The following RBFOX1 variants were observed in gnomAD, a reference collection of about 807,000 sequenced individuals.
The protein encoded by RBFOX1 is RNA binding protein fox-1 homolog 1.
In RBFOX1, 8 loss-of-function variants were observed where a neutral mutation model predicts 57.7. That is an observed-to-expected ratio of 0.14 (90% confidence interval 0.08 to 0.25). The LOEUF (loss-of-function observed/expected upper bound fraction) is 0.25. RBFOX1 is among the 10% of genes least tolerant of loss of function. The pLI is 1.00. For missense variants in RBFOX1, 611 were observed against 548.5 expected, an observed-to-expected ratio of 1.11 and a Z score of -1.14; for synonymous variants, 326 against 222.4, an observed-to-expected ratio of 1.47 and a Z score of -4.15.
intron 1 of RBFOX1, among the ~76,000 whole-genome samples, chr16:5,293,177 C>G (rs1567291423): frequency 6.6e-6 from 1 of 151,896 alleles, no homozygotes; most frequent in Non-Finnish European, 1.5e-5. Flanking sequence ...AAAAATTAGC[C>G]AGGTGTGGTG....
intron 3 of RBFOX1, among the ~76,000 whole-genome samples, chr16:5,849,594 C>T (rs150042225): frequency 1.3e-5 from 2 of 152,250 alleles, no homozygotes; most frequent in East Asian, 1.9e-4. Flanking sequence ...TGACTGTAAG[C>T]CGCAGTCACC....
chr16:5,582,165 C>CGGG (rs2046689157), intron 2 of RBFOX1, among the ~76,000 whole-genome samples: 2 of 152,294 alleles, frequency 1.3e-5, no homozygotes, highest in East Asian at 3.9e-4. Context: ...ACTCTCGCCC[C>CGGG]GGGAGTACCA....
At chr16:6,897,150 A>G (rs984985326) in intron 3 of RBFOX1, among the ~76,000 whole-genome samples, 10 of 152,232 alleles carry the variant, frequency 6.6e-5, no homozygotes, top group Non-Finnish European at 1.3e-4. Flanking sequence ...AACTTGCCCA[A>G]GCTGACACAG....
At chr16:5,615,677 C>T (rs765290548) in intron 3 of RBFOX1, among the ~76,000 whole-genome samples, 30 of 152,146 alleles carry the variant, frequency 2.0e-4, no homozygotes, top group Non-Finnish European at 3.4e-4. Context: ...TGGATCGAGC[C>T]GTTTCTATGT....
Position 6,679,895 on chromosome 16 carries a change from T to G in RBFOX1, c.-16+25245T>G, listed in dbSNP as rs2058364979. 3.8e-5 allele frequency among the ~76,000 whole-genome samples: 4 copies of G among 105,324 alleles called. No individual in the cohort carries two copies. The Admixed American group carries it at 4.0e-4, about 11-fold the overall frequency. 69.1% of individuals were successfully genotyped at this position (105,324 alleles called of 152,430 possible). On this transcript the variant is annotated intron_variant, in intron 3 of 15. Transcript: ENST00000550418. ...TTCTACTTGTTTTTTTTTTTTTTTT[T>G]TTTTTTTTTTCATACTTTTCTGAGC... is the stretch of plus-strand genomic sequence containing the variant.
chr16:7,252,796 G>A (rs751462620), intron 4 of RBFOX1, among the ~76,000 whole-genome samples: 7 of 150,414 alleles, frequency 4.7e-5, no homozygotes, highest in Non-Finnish European at 8.8e-5. Context: ...CTGGGCTAAT[G>A]TTACATAGTA....
rs571220733 is a variant in RBFOX1 at position 7,553,640 on chromosome 16, A to C, written c.271-26137A>C. ...GGCCAGTGCACTTGAAAGGTGCACA[A>C]CTCATTTCAGAAGGCACTGCTCAGC... On this transcript the variant is annotated intron_variant, in intron 5 of 15. Coordinates refer to ENST00000550418, the MANE Select transcript of RBFOX1 (RefSeq NM_018723.4). 3.9e-5 allele frequency among the ~76,000 whole-genome samples: 6 copies of C among 152,268 alleles called. No individual in the cohort carries two copies. In the East Asian group the frequency reaches 1.2e-3, roughly 29 times the overall value.
At chr16:6,522,254 C>A (rs901452615) in intron 2 of RBFOX1, among the ~76,000 whole-genome samples, 22 of 151,662 alleles carry the variant, frequency 1.5e-4, no homozygotes, top group African/African-American at 4.9e-4. Context: ...CTGCCCTACC[C>A]CCAGTGAAGA....
At chr16:7,174,367 A>C (rs2081263801) in intron 4 of RBFOX1, among the ~76,000 whole-genome samples, 1 of 152,186 alleles carries the variant, frequency 6.6e-6, no homozygotes, top group South Asian at 2.1e-4. Context: ...ATTATGTAGA[A>C]TGTTACTATG....
intron 3 of RBFOX1, among the ~76,000 whole-genome samples, chr16:5,759,084 G>A (rs939517604): frequency 1.3e-5 from 2 of 152,154 alleles, no homozygotes; most frequent in South Asian, 4.1e-4. Flanking sequence ...GAGGCTACTA[G>A]TATATACTTC....
At chr16:6,159,354 G>T (rs141324670) in intron 1 of RBFOX1, among the ~76,000 whole-genome samples, 2,924 of 152,306 alleles carry the variant, frequency 0.019, 53 homozygotes, top group South Asian at 0.033. Flanking sequence ...TGGGATTACA[G>T]GCGTGAGCCA....
intron 4 of RBFOX1, among the ~76,000 whole-genome samples, chr16:5,984,950 A>G (rs192661547): frequency 2.4e-3 from 120 of 49,982 alleles, no homozygotes; most frequent in Middle Eastern, 0.012. Context: ...ACTCCATTAT[A>G]TATATATATA....
intron 3 of RBFOX1, among the ~76,000 whole-genome samples, chr16:6,994,638 C>T (rs1369178314): frequency 1.3e-5 from 2 of 152,162 alleles, no homozygotes; most frequent in Non-Finnish European, 2.9e-5. Flanking sequence ...ATCAATAATT[C>T]AAAGAAAGTG....
intron 3 of RBFOX1, among the ~76,000 whole-genome samples, chr16:5,741,740 C>T (rs2052775191): frequency 6.6e-6 from 1 of 152,152 alleles, no homozygotes; most frequent in Non-Finnish European, 1.5e-5. Flanking sequence ...TAACAGCTTC[C>T]ACAAGGACGT....
chr16:6,863,700 C>T (rs1198440321), intron 3 of RBFOX1, among the ~76,000 whole-genome samples: 28 of 124,314 alleles, frequency 2.3e-4, no homozygotes, highest in African/African-American at 8.2e-4. Context: ...AAGAAATGAC[C>T]GGAAGCACAA....
intron 3 of RBFOX1, among the ~76,000 whole-genome samples, chr16:5,813,520 C>T (rs1039403315): frequency 6.6e-6 from 1 of 152,124 alleles, no homozygotes; most frequent in African/African-American, 2.4e-5. Context: ...ATGGATAAAC[C>T]TTGTACATAC....
chr16:6,683,146 T>C (rs1269354677), intron 3 of RBFOX1, among the ~76,000 whole-genome samples: 2 of 152,170 alleles, frequency 1.3e-5, no homozygotes, highest in Non-Finnish European at 2.9e-5. Flanking sequence ...AGCAGATGCG[T>C]ATTTTCCTTG....
At chr16:7,674,776 C>G (rs1467766250) in intron 13 of RBFOX1, among the ~76,000 whole-genome samples, 1 of 152,186 alleles carries the variant, frequency 6.6e-6, no homozygotes, top group Non-Finnish European at 1.5e-5. Context: ...ACCTACTAGT[C>G]AGTGTGGTTC....
intron 4 of RBFOX1, among the ~76,000 whole-genome samples, chr16:5,934,061 A>G (rs1054503817): frequency 6.6e-6 from 1 of 152,182 alleles, no homozygotes; most frequent in African/African-American, 2.4e-5. Context: ...CTGCTCCTGC[A>G]TTAGTTCACT....
Sources: allele counts gnomAD v4.1 joint callset (sites outside exome capture counted in the v4.1 genomes callset), GRCh38; gene constraint gnomAD v4.1.1; transcripts MANE v1.5; gene names NCBI Gene and HGNC (gene_info 2026-07-23, HGNC 2026-07-21).